Variants in BCAN observed in about 807,000 individuals in gnomAD.
The protein encoded by BCAN is brevican core protein.
In BCAN, 51 loss-of-function variants were observed where a neutral mutation model predicts 92.4. That is an observed-to-expected ratio of 0.55 (90% confidence interval 0.44 to 0.70). The LOEUF (loss-of-function observed/expected upper bound fraction) is 0.70. Among genes scored for constraint, BCAN ranks in the 30% least tolerant of loss-of-function variants. The pLI, the probability that BCAN is intolerant of heterozygous loss-of-function variation, is 0.00. For missense variants in BCAN, 1,140 were observed against 1,212.1 expected, an observed-to-expected ratio of 0.94 and a Z score of 0.88; for synonymous variants, 501 against 505.2, an observed-to-expected ratio of 0.99 and a Z score of 0.11.
chr1:156,644,452 A>C (rs1387186424), intron 1 of BCAN: 1 of 152,594 alleles, frequency 6.6e-6, no homozygotes, highest in African/African-American at 2.4e-5. Context: ...GCTCCTGCCC[A>C]ATGGTCCCCA....
In BCAN at chr1:156,647,012, C is replaced by T. The variant is rs1184129022; in HGVS notation, c.303C>T (p.Asn101=). The change falls in exon 3 of 14, where the codon AAC becomes AAT. Residue 101 remains asparagine, a synonymous_variant. Coordinates refer to ENST00000329117, the MANE Select transcript of BCAN (RefSeq NM_021948.5). The surrounding 1 kb of genome is among the most constrained non-coding windows in gnomAD (Gnocchi z 4.8). ...CGCGGGGAGTGCGCGTCAAGGTGAACGAGGCCTACCGGTTCCGCGTGGCAC... is the reference window on the plus strand; with the variant it reads ...CGCGGGGAGTGCGCGTCAAGGTGAATGAGGCCTACCGGTTCCGCGTGGCAC... ...LVARGVRVKV[N]EAYRFRVALP... The T allele has an allele frequency of 2.5e-6, 4 of 1,612,696 alleles. No homozygotes were observed. The highest frequency in any genetic ancestry group is 2.2e-5 in the South Asian group (2 of 91,026).
Position 156,648,641 on chromosome 1 carries a change from T to A in BCAN, c.843T>A (p.Gly281=). The change falls in exon 6 of 14, where the codon GGT becomes GGA. Residue 281 remains glycine (G), a synonymous_variant. Transcript: ENST00000329117. Reference sequence around the variant, plus strand: ...CACGGGCGTACTGCCAGGAGCGGGGTGCAGAGATTGCCACCACGGGCCAAC... The same window carrying A: ...CACGGGCGTACTGCCAGGAGCGGGGAGCAGAGATTGCCACCACGGGCCAAC... The part of the protein sequence containing the change: ...EEARAYCQER[G]AEIATTGQLY... 1.2e-6 allele frequency: 2 copies of A among 1,612,404 alleles called. No individual in the cohort carries two copies. The highest frequency in any genetic ancestry group is 1.7e-6 in the Non-Finnish European group (2 of 1,178,632).
chr1:156,657,404 C>T (rs990171630), intron 10 of BCAN: 1 of 551,744 alleles, frequency 1.8e-6, no homozygotes, highest in Non-Finnish European at 3.2e-6. Flanking sequence ...TCGGCCTCCT[C>T]CAACTCCAAC....
chr1:156,649,527 C>T (rs557480313), intron 6 of BCAN, among the ~76,000 whole-genome samples: 110 of 152,290 alleles, frequency 7.2e-4, no homozygotes, highest in Admixed American at 1.7e-3. Flanking sequence ...CTTCAACCTC[C>T]GGAGTAGGTG....
At chr1:156,651,346 C>T in intron 6 of BCAN, 110 bp from the exon 7 acceptor site, 1 of 1,019,168 alleles carries the variant, frequency 9.8e-7, no homozygotes, top group Non-Finnish European at 1.5e-6. Context: ...CCAGTAGGTG[C>T]TCCACAGGGA....
rs1312696174 is a variant in BCAN, at chr1:156,658,770, A to G, written c.2628+37A>G. 39 of 1,610,320 alleles carry G rather than the reference A, an allele frequency of 2.4e-5. No individual in the cohort carries two copies. Among genetic ancestry groups the G allele is most frequent in the Non-Finnish European group, 3.3e-5 (39 of 1,177,586 alleles). On this transcript the variant is annotated intron_variant, in intron 13 of 13. Coordinates refer to ENST00000329117, the MANE Select transcript of BCAN (RefSeq NM_021948.5). The surrounding 1 kb of genome is among the most constrained non-coding windows in gnomAD (Gnocchi z 4.4). ...GAAGAGGCAGGTGGGAGTGGGAGACAGTAGCCAACAGTAGCCTTGGACTCC... is the reference window on the plus strand; with the variant it reads ...GAAGAGGCAGGTGGGAGTGGGAGACGGTAGCCAACAGTAGCCTTGGACTCC...
chr1:156,658,198 G>A lies in BCAN; in HGVS notation c.2364G>A (p.Val788=). ...FLSGENCVVM[V]WHDQGQWSDV... ...CTGGAGAGAACTGCGTGGTCATGGTGTGGCATGATCAGGGACAATGGAGTG... is the reference window on the plus strand; with the variant it reads ...CTGGAGAGAACTGCGTGGTCATGGTATGGCATGATCAGGGACAATGGAGTG... Residue 788 remains valine, a synonymous_variant, in exon 12 of 14, where the codon GTG becomes GTA. Coordinates refer to ENST00000329117, the MANE Select transcript of BCAN (RefSeq NM_021948.5). This position sits in a 1 kb window ranked among gnomAD's most constrained non-coding sequence, Gnocchi z 4.4. The A allele has an allele frequency of 6.2e-7, 1 of 1,614,064 alleles. No homozygotes were observed. The highest frequency in any genetic ancestry group is 8.5e-7 in the Non-Finnish European group (1 of 1,179,980).
intron 1 of BCAN, chr1:156,643,489 C>T (rs1678856126): frequency 6.6e-6 from 1 of 152,216 alleles, no homozygotes; most frequent in African/African-American, 2.4e-5. Context: ...TTGTGCCTCC[C>T]TGCTGACCCT....
chr1:156,658,615 A>C lies in BCAN; in HGVS notation c.2510A>C (p.Asp837Ala), dbSNP rs770987542. The C allele has an allele frequency of 2.5e-6, 4 of 1,614,068 alleles. No individual in the cohort carries two copies. The highest frequency in any genetic ancestry group is 3.4e-6 in the Non-Finnish European group (4 of 1,180,038). Reference sequence around the variant, plus strand: ...CGCCCACGGCTGCGCTATGAGGTGGACACTGTGCTTCGCTACCGGTGCCGG... The same window carrying C: ...CGCCCACGGCTGCGCTATGAGGTGGCCACTGTGCTTCGCTACCGGTGCCGG... Reference protein sequence around the residue: ...FGRPRLRYEVDTVLRYRCREG... With the variant: ...FGRPRLRYEVATVLRYRCREG... Residue 837 changes from aspartate (D) to alanine (A), a missense_variant, in exon 13 of 14, where the codon GAC becomes GCC. Asp to Ala is a moderately radical substitution (Grantham distance 126, BLOSUM62 -2). Around this residue, in one of 3 missense-constraint regions of BCAN, gnomAD observed 825 missense variants for 871.8 expected, o/e 0.95. Transcript: ENST00000329117. The surrounding 1 kb of genome is among the most constrained non-coding windows in gnomAD (Gnocchi z 4.4).
intron 1 of BCAN, among the ~76,000 whole-genome samples, chr1:156,645,603 T>C (rs1233638263): frequency 6.6e-6 from 1 of 151,604 alleles, no homozygotes; most frequent in Non-Finnish European, 1.5e-5. Flanking sequence ...GAGGAAGGAG[T>C]CTGGCACTGG....
chr1:156,645,664 A>G (rs1360545418), intron 1 of BCAN, among the ~76,000 whole-genome samples: 2 of 152,166 alleles, frequency 1.3e-5, no homozygotes, highest in Non-Finnish European at 2.9e-5. Flanking sequence ...TCATGCTGTA[A>G]ACTGAGCTCC....
intron 9 of BCAN, chr1:156,656,594 G>A (rs940993026): frequency 1.1e-5 from 5 of 461,878 alleles, no homozygotes; most frequent in Non-Finnish European, 1.5e-5. Context: ...GTCCATTTGA[G>A]ACCAGTGCAA....
rs374149344 is a variant in BCAN, at chr1:156,652,728, C to T, written c.1778C>T (p.Ser593Phe). 3.8e-4 allele frequency: 617 copies of T among 1,603,980 alleles called. No individual in the cohort carries two copies. The highest frequency in any genetic ancestry group is 5.1e-4 in the Non-Finnish European group (593 of 1,173,462). The change falls in exon 8 of 14, where the codon TCC (serine) becomes TTC (phenylalanine). Residue 593 changes from serine (S) to phenylalanine (F), a missense_variant. By Grantham distance (155) the Ser-to-Phe change is radical. Around this residue, in one of 3 missense-constraint regions of BCAN, gnomAD observed 825 missense variants for 871.8 expected, o/e 0.95. Transcript: ENST00000329117. ...EETGSSEGAP[S>F]LLPATRAPEG... ...ACAGGAAGCTCCGAGGGTGCCCCTT[C>T]CCTGCTTCCAGCCACACGGGCCCCT...
Position 156,658,556 on chromosome 1 carries a change from G to A in BCAN, c.2451G>A (p.Pro817=), listed in dbSNP as rs769797463. 5.0e-6 allele frequency: 8 copies of A among 1,613,598 alleles called. No individual in the cohort carries two copies. The highest frequency in any genetic ancestry group is 1.1e-5 in the South Asian group (1 of 91,048). The change falls in exon 13 of 14, where the codon CCG becomes CCA. Residue 817 remains proline (P), a synonymous_variant. Transcript: ENST00000329117. This position sits in a 1 kb window ranked among gnomAD's most constrained non-coding sequence, Gnocchi z 4.4. ...TCKMGLVSCG[P]PPELPLAQVF... is the part of the protein sequence containing the mutation. ...CTTCCTTTGCAGTGTCCTGTGGGCC[G>A]CCACCGGAGCTGCCCCTGGCTCAAG...
In BCAN at chr1:156,646,159, C is replaced by G; in HGVS notation, c.91+14C>G. ...GAGACAGCTCAGGTAAGCAACCCCA[C>G]TTGGGGTCACCGTCTCTGTCTTGTT... On this transcript the variant is annotated intron_variant, in intron 2 of 13. Coordinates refer to ENST00000329117, the MANE Select transcript of BCAN (RefSeq NM_021948.5). 6.2e-7 allele frequency: 1 copy of G among 1,609,740 alleles called. No homozygotes were observed. The highest frequency in any genetic ancestry group is 1.1e-5 in the South Asian group (1 of 90,886).
Position 156,647,825 on chromosome 1 carries a change from G to A in BCAN, c.641+143G>A, listed in dbSNP as rs766542670. 8 of 1,529,632 alleles carry A rather than the reference G, an allele frequency of 5.2e-6. No individual in the cohort carries two copies. The highest frequency in any genetic ancestry group is 1.1e-5 in the South Asian group (1 of 88,390). 94.8% of individuals were successfully genotyped at this position (1,529,632 alleles called of 1,614,324 possible). On this transcript the variant is annotated intron_variant, in intron 4 of 13. Transcript: ENST00000329117. This position sits in a 1 kb window ranked among gnomAD's most constrained non-coding sequence, Gnocchi z 4.8. Reference sequence around the variant, plus strand: ...GATGAGGCTGGTCTGAGGAGGGGAGGTGAGGACCCTGAGCATGTGCATCCC... The same window carrying A: ...GATGAGGCTGGTCTGAGGAGGGGAGATGAGGACCCTGAGCATGTGCATCCC...
rs760611510 is a variant in BCAN, at chr1:156,657,677, C to T, written c.2212C>T (p.Arg738Trp). The change falls in exon 11 of 14, where the codon CGG (arginine) becomes TGG (tryptophan). Residue 738 changes from arginine to tryptophan, a missense_variant and splice_region_variant. Around this residue, in one of 3 missense-constraint regions of BCAN, gnomAD observed 825 missense variants for 871.8 expected, o/e 0.95. Transcript: ENST00000329117. ...ACTGCACGCCTTCGTCTCCCTAGAC[C>T]GGTACCGGGAGTACCAGTGGATCGG... The part of the protein sequence containing the change: ...TPEEQDFINN[R>W]YREYQWIGLN... The T allele has an allele frequency of 1.2e-6, 2 of 1,608,634 alleles. No homozygotes were observed. The highest frequency in any genetic ancestry group is 3.5e-5 in the Admixed American group (2 of 57,918).
intron 9 of BCAN, chr1:156,656,666 AGAGCCACTGCTCGTTAGGATG>A: frequency 1.9e-6 from 1 of 528,328 alleles, no homozygotes; most frequent in Non-Finnish European, 3.4e-6. Context: ...CCTGGAGAGG[AGAGCCACTGCTCGTTAGGATG>A]GAGACCCAGG....
At chr1:156,651,848 A>T (rs1679175715) in intron 7 of BCAN, among the ~76,000 whole-genome samples, 159 bp downstream of exon 7, 1 of 152,074 alleles carries the variant, frequency 6.6e-6, no homozygotes, top group African/African-American at 2.4e-5. Context: ...CCCTCTCCCA[A>T]CCTTTGCTTT....
Sources: allele counts gnomAD v4.1 joint callset (sites outside exome capture counted in the v4.1 genomes callset), GRCh38; gene constraint gnomAD v4.1.1; regional missense constraint gnomAD v4.1.1; non-coding constraint Gnocchi (gnomAD v3.1); transcripts MANE v1.5; gene names NCBI Gene and HGNC (gene_info 2026-07-23, HGNC 2026-07-21).